The following DIP2C variants were observed in gnomAD, a reference collection of about 807,000 sequenced individuals.
The protein encoded by DIP2C is disco-interacting protein 2 homolog C.
A neutral mutation model predicts 192.4 loss-of-function variants in DIP2C; 33 were observed. The observed-to-expected ratio is 0.17, with a 90% CI of 0.13 to 0.23. DIP2C has a LOEUF of 0.23. Among genes scored for constraint, DIP2C ranks in the 10% least tolerant of loss-of-function variants. The pLI, the probability that DIP2C is intolerant of heterozygous loss-of-function variation, is 1.00. For missense variants in DIP2C, 1,537 were observed against 2,110.1 expected (o/e 0.73, Z 5.32); for synonymous variants, 979 against 864.1 (o/e 1.13, Z -2.33).
At chr10:502,208 T>TA (rs1208230521) in intron 1 of DIP2C, among the ~76,000 whole-genome samples, 1 of 152,148 alleles carries the variant, frequency 6.6e-6, no homozygotes, top group East Asian at 1.9e-4. Context: ...ATCTCCCTGA[T>TA]AAGCCCAATC....
At chr10:375,167 C>G (rs536338775) in intron 17 of DIP2C, among the ~76,000 whole-genome samples, 4 of 152,342 alleles carry the variant, frequency 2.6e-5, no homozygotes, top group African/African-American at 9.6e-5. Flanking sequence ...TGAAATGTGA[C>G]GTCCAACAAT....
At chr10:521,294 G>T (rs1328607956) in intron 1 of DIP2C, among the ~76,000 whole-genome samples, 1 of 152,138 alleles carries the variant, frequency 6.6e-6, no homozygotes, top group Non-Finnish European at 1.5e-5. Context: ...CCTCCCCTGA[G>T]GCATCTGGAA....
rs1010557590 is a variant in DIP2C at position 376,522 on chromosome 10, C to T, written c.1991+6125G>A. On this transcript the variant is annotated intron_variant, in intron 17 of 36. Transcript: ENST00000280886. Reference sequence around the variant, plus strand: ...GTGGGGTTGGGAGGGGGGGTCTTCCCTTCTGAACTGGCAGCCAGAACCCCG... The same window carrying T: ...GTGGGGTTGGGAGGGGGGGTCTTCCTTTCTGAACTGGCAGCCAGAACCCCG... Among the ~76,000 whole-genome samples, 7 of 150,466 alleles carry T rather than the reference C, an allele frequency of 4.7e-5. 1 individual carries two copies. Among genetic ancestry groups the T allele is most frequent in the Non-Finnish European group, 8.8e-5 (6 of 67,832 alleles).
At chr10:367,214 G>A (rs532669626) in intron 18 of DIP2C, among the ~76,000 whole-genome samples, 69 of 152,232 alleles carry the variant, frequency 4.5e-4, no homozygotes, top group African/African-American at 6.0e-4. Flanking sequence ...TCAGGAGATC[G>A]AGACCATCCT....
chr10:465,533 G>C (rs1970130412), intron 3 of DIP2C, among the ~76,000 whole-genome samples: 3 of 152,000 alleles, frequency 2.0e-5, no homozygotes, highest in Non-Finnish European at 2.9e-5. Context: ...GGAAGTTCTG[G>C]CCAGGGCAAT....
At chr10:434,488 G>T (rs931253955) in intron 4 of DIP2C, among the ~76,000 whole-genome samples, 1 of 152,126 alleles carries the variant, frequency 6.6e-6, no homozygotes, top group African/African-American at 2.4e-5. Flanking sequence ...GCCCAGGCTG[G>T]TCTCAAATAA....
In DIP2C at chr10:636,436, C is replaced by T. The variant is rs1423344324; in HGVS notation, c.85+53058G>A. On this transcript the variant is annotated intron_variant, in intron 1 of 36. Coordinates refer to ENST00000280886, the MANE Select transcript of DIP2C (RefSeq NM_014974.3). The surrounding 1 kb of genome is among the most constrained non-coding windows in gnomAD (Gnocchi z 4.6). ...TCACTCTCTCTCTCTGTAGATTATA[C>T]AGAGAGACAGATTCGTTTCTCCTCT... 1.3e-5 allele frequency among the ~76,000 whole-genome samples: 2 copies of T among 152,116 alleles called. No individual in the cohort carries two copies. The highest frequency in any genetic ancestry group is 2.9e-5 in the Non-Finnish European group (2 of 68,016).
intron 4 of DIP2C, among the ~76,000 whole-genome samples, chr10:438,638 A>G (rs56850288): frequency 0.014 from 2,112 of 151,880 alleles, 17 homozygotes; most frequent in East Asian, 0.043. Context: ...CTATGCGCAC[A>G]CACCACCATG....
At chr10:301,585 A>G (rs2132267642) in intron 32 of DIP2C, among the ~76,000 whole-genome samples, 2 of 152,346 alleles carry the variant, frequency 1.3e-5, no homozygotes, top group Middle Eastern at 3.4e-3. Flanking sequence ...AAAAATATTA[A>G]TGAGTTTAAA....
At chr10:568,524 T>C (rs924391737) in intron 1 of DIP2C, among the ~76,000 whole-genome samples, 8 of 151,818 alleles carry the variant, frequency 5.3e-5, no homozygotes, top group Middle Eastern at 3.2e-3. Flanking sequence ...TCCCAGCACT[T>C]TGGGAGGCCG....
chr10:653,995 C>T (rs149267155), intron 1 of DIP2C, among the ~76,000 whole-genome samples: 4 of 152,290 alleles, frequency 2.6e-5, no homozygotes, highest in Non-Finnish European at 4.4e-5. Context: ...AGGAACACCA[C>T]GAATACCTTC....
chr10:289,974 C>A (rs373120107), intron 32 of DIP2C, among the ~76,000 whole-genome samples: 6 of 152,218 alleles, frequency 3.9e-5, no homozygotes, highest in Admixed American at 2.0e-4. Flanking sequence ...TTCCTCCCCC[C>A]AGCCTGCTGT....
chr10:574,387 T>C (rs1309920480), intron 1 of DIP2C, among the ~76,000 whole-genome samples: 1 of 152,194 alleles, frequency 6.6e-6, no homozygotes, highest in African/African-American at 2.4e-5. Context: ...AATGATAAAG[T>C]AGAATATGCT....
chr10:568,788 A>AAC (rs1849602201), intron 1 of DIP2C, among the ~76,000 whole-genome samples: 1 of 142,532 alleles, frequency 7.0e-6, no homozygotes, highest in Non-Finnish European at 1.5e-5. Flanking sequence ...AAAAAAAAAA[A>AAC]AAAAAAAAAA....
At position 400,869 on chromosome 10, in the gene DIP2C, C is replaced by T. The variant is rs193157938; in HGVS notation, c.1150-1650G>A. Among the ~76,000 whole-genome samples, 130 of 107,490 alleles carry T rather than the reference C, an allele frequency of 1.2e-3. 1 individual carries two copies. The highest frequency in any genetic ancestry group is 0.017 in the Middle Eastern group (2 of 120). The allele number at this position is 107,490 out of a possible 152,430, so 70.5% of individuals were successfully genotyped here. On this transcript the variant is annotated intron_variant, in intron 9 of 36. Coordinates refer to ENST00000280886, the MANE Select transcript of DIP2C (RefSeq NM_014974.3). Reference sequence around the variant, plus strand: ...GAATCCTGTGATTTTACACGTGTGGCAGCATTAGCATTACTCTTCCTTATG... The same window carrying T: ...GAATCCTGTGATTTTACACGTGTGGTAGCATTAGCATTACTCTTCCTTATG...
rs1201927933 is a variant in DIP2C, at chr10:344,452, T to C, written c.3453+357A>G. 2.0e-5 allele frequency among the ~76,000 whole-genome samples: 3 copies of C among 151,766 alleles called. No individual in the cohort carries two copies. The East Asian group carries it at 5.8e-4, about 30-fold the overall frequency. On this transcript the variant is annotated intron_variant, in intron 28 of 36. Coordinates refer to ENST00000280886, the MANE Select transcript of DIP2C (RefSeq NM_014974.3). Reference sequence around the variant, plus strand: ...AAGGGCGGCATCTGAGCTGAGAGGGTCATGATGATTTCTAATAGAGCCCAG... The same window carrying C: ...AAGGGCGGCATCTGAGCTGAGAGGGCCATGATGATTTCTAATAGAGCCCAG...
intron 1 of DIP2C, among the ~76,000 whole-genome samples, chr10:608,083 C>G (rs1852632614): frequency 6.6e-6 from 1 of 150,502 alleles, no homozygotes; most frequent in Non-Finnish European, 1.5e-5. Context: ...TGATCTACCT[C>G]CCTCTCATAA....
chr10:475,422 C>A (rs1970980430), intron 2 of DIP2C, among the ~76,000 whole-genome samples: 1 of 152,150 alleles, frequency 6.6e-6, no homozygotes, highest in Non-Finnish European at 1.5e-5. Flanking sequence ...TAATGTTTCA[C>A]CTTCAATCTC....
chr10:381,653 T>C (rs547868783), intron 17 of DIP2C, among the ~76,000 whole-genome samples: 16 of 152,330 alleles, frequency 1.1e-4, no homozygotes, highest in South Asian at 1.0e-3. Flanking sequence ...GTCCTGCTCT[T>C]GTTATTTCTG....
Sources: gnomAD v4.1 joint callset for allele counts (sites outside exome capture counted in the v4.1 genomes callset) on GRCh38, gnomAD v4.1.1 for gene constraint, Gnocchi (gnomAD v3.1) non-coding constraint, MANE v1.5 for transcripts, NCBI Gene and HGNC (gene_info 2026-07-23, HGNC 2026-07-21) for gene names.